The following DLGAP2 variants were observed in gnomAD, a reference collection of about 807,000 sequenced individuals.
The protein encoded by DLGAP2 is DLG associated protein 2.
DLGAP2 carries 26 observed loss-of-function variants against 100.3 expected under a neutral mutation model. The observed-to-expected ratio is 0.26, with a 90% CI of 0.19 to 0.36. The LOEUF (loss-of-function observed/expected upper bound fraction) is 0.36. Among genes scored for constraint, DLGAP2 ranks in the 10% least tolerant of loss-of-function variants. The pLI, the probability that DLGAP2 is intolerant of heterozygous loss-of-function variation, is 1.00. For missense variants in DLGAP2, 1,858 were observed against 1,453.2 expected, an observed-to-expected ratio of 1.28 and a Z score of -4.53; for synonymous variants, 886 against 630.1, an observed-to-expected ratio of 1.41 and a Z score of -6.08.
At chr8:1,213,879 G>A (rs553661876) in intron 2 of DLGAP2, among the ~76,000 whole-genome samples, 11 of 152,256 alleles carry the variant, frequency 7.2e-5, no homozygotes, top group South Asian at 4.1e-4. Context: ...GGCAGACTCC[G>A]CCCCATCACT....
At chr8:1,519,246 G>A (rs73672783) in intron 4 of DLGAP2, among the ~76,000 whole-genome samples, 34 of 152,302 alleles carry the variant, frequency 2.2e-4, no homozygotes, top group African/African-American at 6.0e-4. Context: ...TCAGCTTTAC[G>A]CAGCGGCATG....
rs370482985 is a variant in DLGAP2, at chr8:1,637,507, G to A, written c.1810+4461G>A. Among the ~76,000 whole-genome samples the A allele has an allele frequency of 1.9e-4, 29 of 151,966 alleles. No individual in the cohort carries two copies. In the East Asian group the frequency reaches 3.1e-3, roughly 16 times the overall value. On this transcript the variant is annotated intron_variant, in intron 8 of 14. Transcript: ENST00000637795. ...GGACCAGCCTGCACACCCCACAAAG[G>A]CAACAAAAAGCTGCGTTTCAGTAAA...
chr8:1,340,218 A>G (rs141503091), intron 3 of DLGAP2, among the ~76,000 whole-genome samples: 1 of 152,244 alleles, frequency 6.6e-6, no homozygotes, highest in Non-Finnish European at 1.5e-5. Flanking sequence ...ATGGCAACAA[A>G]AGCAAAAATT....
chr8:1,193,100 C>A (rs1034823714), intron 2 of DLGAP2, among the ~76,000 whole-genome samples: 1 of 152,048 alleles, frequency 6.6e-6, no homozygotes, highest in Non-Finnish European at 1.5e-5. Context: ...GCTTCCAAGT[C>A]TTTGCTATGG....
At chr8:779,072 C>T (rs933098237) in intron 1 of DLGAP2, among the ~76,000 whole-genome samples, 22 of 152,246 alleles carry the variant, frequency 1.4e-4, no homozygotes, top group Non-Finnish European at 7.3e-5. Flanking sequence ...GTCAGAAAAG[C>T]GCAGTATGCG....
intron 2 of DLGAP2, among the ~76,000 whole-genome samples, chr8:973,767 CG>C (rs1345009114): frequency 3.8e-4 from 58 of 152,082 alleles, no homozygotes; most frequent in African/African-American, 1.4e-3. Context: ...AATATACGCG[CG>C]GCTGAGCGGA....
intron 5 of DLGAP2, among the ~76,000 whole-genome samples, chr8:1,554,376 C>A (rs922874432): frequency 6.6e-6 from 1 of 152,164 alleles, no homozygotes; most frequent in Non-Finnish European, 1.5e-5. Flanking sequence ...TTCTTTCTGC[C>A]CGATCTGGGG....
At chr8:775,011 CTCTTT>C (rs1821474630) in intron 1 of DLGAP2, among the ~76,000 whole-genome samples, 1 of 151,892 alleles carries the variant, frequency 6.6e-6, no homozygotes, top group Non-Finnish European at 1.5e-5. Flanking sequence ...TGTTTGTATC[CTCTTT>C]TATTTCTTTG....
intron 2 of DLGAP2, among the ~76,000 whole-genome samples, chr8:1,023,973 C>T (rs1384190253): frequency 6.6e-6 from 1 of 150,804 alleles, no homozygotes; most frequent in African/African-American, 2.4e-5. Context: ...TTTGCACCTT[C>T]CCCTTTTTCT....
At chr8:1,482,756 C>T (rs887192478) in intron 3 of DLGAP2, among the ~76,000 whole-genome samples, 1 of 152,242 alleles carries the variant, frequency 6.6e-6, no homozygotes, top group African/African-American at 2.4e-5. Context: ...CTCCCCGCCC[C>T]AAACACAGAG....
At chr8:1,532,165 C>T (rs949334199) in intron 4 of DLGAP2, among the ~76,000 whole-genome samples, 2 of 152,130 alleles carry the variant, frequency 1.3e-5, no homozygotes, top group African/African-American at 4.8e-5. Flanking sequence ...CAGGTTTGCC[C>T]TGAGCAGTTC....
At chr8:1,043,870 C>T (rs949110352) in intron 2 of DLGAP2, among the ~76,000 whole-genome samples, 1 of 152,064 alleles carries the variant, frequency 6.6e-6, no homozygotes, top group Admixed American at 6.5e-5. Flanking sequence ...AAGAAGCAAG[C>T]GTGCCTCGCT....
chr8:1,212,641 T>G (rs1162747218), intron 2 of DLGAP2, among the ~76,000 whole-genome samples: 1 of 152,002 alleles, frequency 6.6e-6, no homozygotes. Flanking sequence ...GGAAGTGACT[T>G]ATATCTGGGT....
intron 3 of DLGAP2, among the ~76,000 whole-genome samples, chr8:1,491,462 T>C (rs1025432612): frequency 1.3e-5 from 2 of 150,690 alleles, no homozygotes; most frequent in African/African-American, 5.0e-5. Flanking sequence ...CGAGGAGCAA[T>C]AGCCTGAGAT....
chr8:1,483,794 C>G (rs1799171140), intron 3 of DLGAP2, among the ~76,000 whole-genome samples: 1 of 151,628 alleles, frequency 6.6e-6, no homozygotes, highest in African/African-American at 2.4e-5. Flanking sequence ...GCAGGCAGGG[C>G]TGCCAGGAGC....
At chr8:1,084,606 G>A (rs144004261) in intron 2 of DLGAP2, among the ~76,000 whole-genome samples, 269 of 152,234 alleles carry the variant, frequency 1.8e-3, no homozygotes, top group Admixed American at 3.2e-3. Flanking sequence ...TAGGCTCCAC[G>A]TTTAAGTGAG....
rs1799630203 is a variant in DLGAP2 at position 1,703,541 on chromosome 8, G to A, written c.*2135G>A. The A allele has an allele frequency of 6.6e-6, 1 of 152,400 alleles. No homozygotes were observed. The highest frequency in any genetic ancestry group is 1.5e-5 in the Non-Finnish European group (1 of 68,030). The allele number at this position is 152,400 out of a possible 1,614,324, so 9.4% of individuals were successfully genotyped here. ...GCTGTTTAGAAGTAACCACAGAAAAGCAAAGTCAGTGTACACTCTGAGTGA... is the reference window on the plus strand; with the variant it reads ...GCTGTTTAGAAGTAACCACAGAAAAACAAAGTCAGTGTACACTCTGAGTGA... On this transcript the variant is annotated 3_prime_UTR_variant, in exon 15 of 15. Coordinates refer to ENST00000637795, the MANE Select transcript of DLGAP2 (RefSeq NM_001346810.2).
intron 2 of DLGAP2, among the ~76,000 whole-genome samples, chr8:1,225,608 C>T (rs1324251883): frequency 1.3e-5 from 2 of 152,300 alleles, no homozygotes; most frequent in African/African-American, 4.8e-5. Context: ...AAATTAAAAT[C>T]ATATGCAAGT....
At chr8:977,031 C>G (rs892237308) in intron 2 of DLGAP2, among the ~76,000 whole-genome samples, 1 of 152,206 alleles carries the variant, frequency 6.6e-6, no homozygotes, top group African/African-American at 2.4e-5. Context: ...TTACAAAACA[C>G]TTACCTAATA....
Sources: gnomAD v4.1 joint callset for allele counts (sites outside exome capture counted in the v4.1 genomes callset) on GRCh38, gnomAD v4.1.1 for gene constraint, MANE v1.5 for transcripts, NCBI Gene and HGNC (gene_info 2026-07-23, HGNC 2026-07-21) for gene names.